The following SBF2 variants were observed in gnomAD, a reference collection of about 807,000 sequenced individuals.
SBF2 encodes the protein myotubularin-related protein 13.
A neutral mutation model predicts 225.2 loss-of-function variants in SBF2; 112 were observed. The ratio of observed to expected loss-of-function variants is 0.50; its 90% CI spans 0.43 to 0.58. SBF2 has a LOEUF of 0.58. Among genes scored for constraint, SBF2 ranks in the 20% least tolerant of loss-of-function variants. The pLI is 0.00. For missense variants in SBF2, 1,996 were observed against 2,206.2 expected, an observed-to-expected ratio of 0.90 and a Z score of 1.91; for synonymous variants, 763 against 773.3, an observed-to-expected ratio of 0.99 and a Z score of 0.22.
intron 2 of SBF2, among the ~76,000 whole-genome samples, chr11:10,173,326 G>A (rs553958038): frequency 1.8e-3 from 278 of 152,290 alleles, no homozygotes; most frequent in South Asian, 2.1e-3. Flanking sequence ...GCCGAAGCAG[G>A]GCAAGGCATT....
chr11:9,817,895 CTAAAA>C (rs532311934), intron 28 of SBF2, among the ~76,000 whole-genome samples: 28 of 152,114 alleles, frequency 1.8e-4, no homozygotes, highest in Non-Finnish European at 3.1e-4. Flanking sequence ...GACACTGTCT[CTAAAA>C]TAAAATAAAA....
intron 9 of SBF2, among the ~76,000 whole-genome samples, chr11:9,996,388 TTTTG>T (rs1947701752): frequency 6.6e-6 from 1 of 152,140 alleles, no homozygotes; most frequent in Non-Finnish European, 1.5e-5. Flanking sequence ...CACCTTCTTT[TTTTG>T]TTTATTTTGT....
At chr11:9,961,844 T>C in intron 16 of SBF2, 113 bp downstream of exon 16, 1 of 873,994 alleles carries the variant, frequency 1.1e-6, no homozygotes, top group Non-Finnish European at 1.8e-6. Context: ...TGACGCTTCA[T>C]CCTATTAGCT....
At chr11:9,784,544 T>A in intron 37 of SBF2, 106 bp from the exon 38 acceptor site, 1 of 899,132 alleles carries the variant, frequency 1.1e-6, no homozygotes, top group Non-Finnish European at 1.8e-6. Context: ...TTCCCCTAGA[T>A]GATTCAAAAA....
chr11:9,834,491 G>A (rs1008866046), intron 26 of SBF2, among the ~76,000 whole-genome samples: 3 of 152,320 alleles, frequency 2.0e-5, no homozygotes, highest in Non-Finnish European at 4.4e-5. Flanking sequence ...AGTGCTGACA[G>A]GAGGGAAAGG....
Position 9,858,269 on chromosome 11 carries a change from A to G in SBF2, c.2057T>C (p.Leu686Pro). The G allele has an allele frequency of 2.5e-6, 4 of 1,614,134 alleles. No homozygotes were observed. Among genetic ancestry groups the G allele is most frequent in the Non-Finnish European group, 3.4e-6 (4 of 1,180,010 alleles). The change falls in exon 18 of 40, where the codon CTC becomes CCC. Residue 686 changes from leucine (L) to proline (P), a missense_variant. Coordinates refer to ENST00000256190, the MANE Select transcript of SBF2 (RefSeq NM_030962.4). ...GGCATGATTGTCTTCCTTGGCTGAG[A>G]GATAAAGGGAGCGAACCTGTTCCTG... ...AVQEQVRSLY[L>P]SAKEDNHAPH...
rs72861715 is a variant in SBF2, at chr11:10,165,656, A to T, written c.141+28246T>A. On this transcript the variant is annotated intron_variant, in intron 2 of 39. Transcript: ENST00000256190. ...TCTCCATCCCAGTCACTTCAACTAGATAGTATCTAAAATCTCACCCTTAGT... is the reference window on the plus strand; with the variant it reads ...TCTCCATCCCAGTCACTTCAACTAGTTAGTATCTAAAATCTCACCCTTAGT... 1.6e-3 allele frequency among the ~76,000 whole-genome samples: 243 copies of T among 152,302 alleles called. 1 individual carries two copies. Among genetic ancestry groups the T allele is most frequent in the Non-Finnish European group, 3.1e-3 (210 of 68,016 alleles).
rs143883319 is a variant in SBF2 at position 9,845,721 on chromosome 11, T to A, written c.2954A>T (p.Asp985Val). 3.5e-5 allele frequency: 56 copies of A among 1,613,758 alleles called. No homozygotes were observed. Among genetic ancestry groups the A allele is most frequent in the Non-Finnish European group, 4.7e-5 (56 of 1,179,802 alleles). ...ASFQLIKVAF[D>V]EEVSPEVVEI... ...TACTACTTCTGGACTGACTTCTTCATCAAATGCTACCTTAATCAACTAGAA... is the reference window on the plus strand; with the variant it reads ...TACTACTTCTGGACTGACTTCTTCAACAAATGCTACCTTAATCAACTAGAA... The change falls in exon 24 of 40, where the codon GAT (aspartate) becomes GTT (valine). Residue 985 changes from aspartate (D) to valine (V), a missense_variant. By Grantham distance (152) the Asp-to-Val change is radical. Coordinates refer to ENST00000256190, the MANE Select transcript of SBF2 (RefSeq NM_030962.4).
At chr11:9,928,552 A>T (rs1316958042) in intron 16 of SBF2, among the ~76,000 whole-genome samples, 4 of 152,216 alleles carry the variant, frequency 2.6e-5, no homozygotes, top group Non-Finnish European at 5.9e-5. Flanking sequence ...TTTCTTAAAA[A>T]GTTAAAAGTA....
intron 2 of SBF2, among the ~76,000 whole-genome samples, chr11:10,186,867 C>T (rs1565333794): frequency 6.6e-6 from 1 of 152,166 alleles, no homozygotes; most frequent in Non-Finnish European, 1.5e-5. Context: ...AAAGACCAAA[C>T]ATTTATTTTT....
At chr11:9,782,804 A>G (rs1852103670) in intron 38 of SBF2, among the ~76,000 whole-genome samples, 1 of 150,782 alleles carries the variant, frequency 6.6e-6, no homozygotes, top group Non-Finnish European at 1.5e-5. Context: ...CAGGAGGTGG[A>G]GCTTGCAGTG....
chr11:9,826,316 C>T (rs985452276), intron 28 of SBF2, among the ~76,000 whole-genome samples: 5 of 152,164 alleles, frequency 3.3e-5, no homozygotes, highest in Admixed American at 6.5e-5. Flanking sequence ...GGGTTCAATT[C>T]TGTGGAGTGT....
intron 30 of SBF2, among the ~76,000 whole-genome samples, chr11:9,811,745 A>T (rs1473445709): frequency 1.3e-5 from 2 of 151,480 alleles, no homozygotes; most frequent in South Asian, 2.1e-4. Flanking sequence ...TTTTAGTCCA[A>T]TGTGCTGTGG....
intron 16 of SBF2, among the ~76,000 whole-genome samples, chr11:9,896,436 G>C (rs1861262019): frequency 6.6e-6 from 1 of 152,214 alleles, no homozygotes; most frequent in Admixed American, 6.5e-5. Flanking sequence ...ACATTTCTGA[G>C]ATGGGGATCA....
chr11:9,958,808 G>A (rs575813338), intron 16 of SBF2: 30 of 542,610 alleles, frequency 5.5e-5, no homozygotes, highest in South Asian at 4.1e-4. Flanking sequence ...TTCTGTCACC[G>A]AAAATGGGTC....
intron 1 of SBF2, among the ~76,000 whole-genome samples, chr11:10,290,999 A>AG (rs1737895999): frequency 6.6e-6 from 1 of 152,238 alleles, no homozygotes; most frequent in Admixed American, 6.5e-5. Context: ...AAGATGAGCC[A>AG]GGAACAGGTT....
chr11:9,833,029 G>A (rs558198134), intron 26 of SBF2, among the ~76,000 whole-genome samples: 3 of 152,278 alleles, frequency 2.0e-5, no homozygotes, highest in African/African-American at 7.2e-5. Context: ...TCAACTTTAT[G>A]AGAATGACAA....
intron 21 of SBF2, among the ~76,000 whole-genome samples, chr11:9,851,143 A>C (rs1260594107): frequency 6.7e-6 from 1 of 149,478 alleles, no homozygotes; most frequent in Non-Finnish European, 1.5e-5. Flanking sequence ...CTCAAAAAAA[A>C]AAAAAACAAC....
At chr11:10,228,682 G>A (rs576016708) in intron 1 of SBF2, among the ~76,000 whole-genome samples, 9 of 152,276 alleles carry the variant, frequency 5.9e-5, no homozygotes, top group African/African-American at 2.2e-4. Flanking sequence ...ACTTGATCGT[G>A]GTGGATAAGC....
Sources: allele counts gnomAD v4.1 joint callset (sites outside exome capture counted in the v4.1 genomes callset), GRCh38; gene constraint gnomAD v4.1.1; transcripts MANE v1.5; gene names NCBI Gene and HGNC (gene_info 2026-07-23, HGNC 2026-07-21).